TDRKH: variants seen among roughly 807,000 people sequenced by gnomAD.
TDRKH encodes the protein tudor and KH domain containing.
A neutral mutation model predicts 61.3 loss-of-function variants in TDRKH; 28 were observed. The observed-to-expected ratio is 0.46, with a 90% CI of 0.34 to 0.63. The LOEUF (loss-of-function observed/expected upper bound fraction) is 0.63, where lower values mean the gene tolerates loss of function less well. Ranked by LOEUF, TDRKH falls within the 20% of genes least tolerant of loss-of-function variation. TDRKH has a pLI of 0.01. For missense variants in TDRKH, 540 were observed against 683.4 expected (o/e 0.79, Z 2.34); for synonymous variants, 219 against 244.4 (o/e 0.90, Z 0.97).
downstream of TDRKH, chr1:151,767,953 C>G: frequency 7.0e-7 from 1 of 1,418,734 alleles, no homozygotes; most frequent in Non-Finnish European, 9.6e-7. Flanking sequence ...GGCTCCAATT[C>G]TCCCAGGCTC....
At chr1:151,775,582 G>T (rs1479358523) in intron 9 of TDRKH, 39 bp from the exon 10 acceptor site, 1 of 1,584,920 alleles carries the variant, frequency 6.3e-7, no homozygotes, top group Admixed American at 1.8e-5. Context: ...GATAGGGGTG[G>T]GGCTTATACC....
intron 6 of TDRKH, among the ~76,000 whole-genome samples, chr1:151,777,871 C>T (rs1189562776): frequency 6.6e-6 from 1 of 151,926 alleles, no homozygotes; most frequent in African/African-American, 2.4e-5. Flanking sequence ...GTTGCGCCAC[C>T]ATGCCCTAAG....
intron 2 of TDRKH, chr1:151,782,055 T>C (rs1649867018): frequency 2.3e-6 from 1 of 439,900 alleles, no homozygotes. Context: ...AAAAGATGAG[T>C]ATAGAAATTA....
At chr1:151,766,635 C>G, downstream of TDRKH, 4 of 1,502,116 alleles carry the variant, frequency 2.7e-6, no homozygotes, top group Non-Finnish European at 3.6e-6. Flanking sequence ...ATAGTGCCCA[C>G]TGGGTCACAA....
At chr1:151,786,184 A>T (rs1310385625) in intron 1 of TDRKH, among the ~76,000 whole-genome samples, 1 of 152,114 alleles carries the variant, frequency 6.6e-6, no homozygotes, top group African/African-American at 2.4e-5. Flanking sequence ...AACATCTAGC[A>T]CCGAAATCTC....
At chr1:151,774,954 AG>A in intron 11 of TDRKH, 110 bp downstream of exon 11, 1 of 1,355,052 alleles carries the variant, frequency 7.4e-7, no homozygotes. Flanking sequence ...CAACTACTGG[AG>A]GAGCTCAAAG....
chr1:151,774,659 T>A, intron 12 of TDRKH, 51 bp downstream of exon 12: 1 of 1,603,830 alleles, frequency 6.2e-7, no homozygotes, highest in Non-Finnish European at 8.5e-7. Flanking sequence ...AAAGACTGAA[T>A]GAGAAAAGTT....
downstream of TDRKH, chr1:151,771,822 TAAC>T (rs1166043539): frequency 1.6e-4 from 62 of 397,728 alleles, no homozygotes; most frequent in East Asian, 1.9e-3. Flanking sequence ...TTATACATAG[TAAC>T]AAACTGCAGG....
chr1:151,777,250 G>A (rs1057194427), intron 6 of TDRKH, among the ~76,000 whole-genome samples: 2 of 152,162 alleles, frequency 1.3e-5, no homozygotes, highest in African/African-American at 4.8e-5. Flanking sequence ...TTCGAGTCCA[G>A]CCTGTCCAAC....
intron 3 of TDRKH, among the ~76,000 whole-genome samples, chr1:151,780,702 T>C (rs534863996): frequency 1.3e-5 from 2 of 152,006 alleles, no homozygotes; most frequent in Admixed American, 1.3e-4. Context: ...TACAAAAAAT[T>C]AGCTGGGAGT....
In TDRKH at chr1:151,782,888, G is replaced by A. The variant is rs532875639; in HGVS notation, c.124+11C>T. 17 of 1,592,822 alleles carry A rather than the reference G, an allele frequency of 1.1e-5. No individual in the cohort carries two copies. The South Asian group carries it at 1.1e-4, about 11-fold the overall frequency. On this transcript the variant is annotated intron_variant, in intron 2 of 12. Transcript: ENST00000368824. ...AACATTTTCACACACACAGTCATAG[G>A]GTTCACGTACCTCTGCTTTCCCTAT...
chr1:151,790,503 C>A (rs1338551843), upstream of TDRKH: 2 of 152,490 alleles, frequency 1.3e-5, no homozygotes, highest in African/African-American at 4.8e-5. Context: ...CAGTGAGCCC[C>A]GCCGGCGGCG....
chr1:151,785,080 T>C (rs1650193799), intron 1 of TDRKH, among the ~76,000 whole-genome samples: 1 of 152,000 alleles, frequency 6.6e-6, no homozygotes, highest in African/African-American at 2.4e-5. Context: ...TACAGGTGCA[T>C]GCCACCATGC....
At chr1:151,770,018 A>G (rs4995159), downstream of TDRKH, 640,718 of 1,282,842 alleles carry the variant, frequency 0.5, 163,823 homozygotes, top group Non-Finnish European at 0.55. Flanking sequence ...CCGAGATGGC[A>G]GCAGTACAGT....
At chr1:151,787,121 C>A (rs919896394) in intron 1 of TDRKH, among the ~76,000 whole-genome samples, 1 of 152,148 alleles carries the variant, frequency 6.6e-6, no homozygotes, top group Non-Finnish European at 1.5e-5. Context: ...TTAAATAATT[C>A]TTGAATACAC....
downstream of TDRKH, among the ~76,000 whole-genome samples, chr1:151,773,069 GTC>G (rs71755748): frequency 1.3e-5 from 2 of 151,648 alleles, no homozygotes; most frequent in African/African-American, 4.8e-5. Flanking sequence ...TTGAGACAGA[GTC>G]TCTCTCTGTC....
At chr1:151,780,242 C>T (rs1362459964) in intron 3 of TDRKH, 102 bp from the exon 4 acceptor site, 3 of 1,221,776 alleles carry the variant, frequency 2.5e-6, no homozygotes, top group African/African-American at 1.5e-5. Context: ...TAGAATTAGC[C>T]AAAGGAATTA....
At chr1:151,770,481 A>C, downstream of TDRKH, 1 of 542,492 alleles carries the variant, frequency 1.8e-6, no homozygotes, top group Non-Finnish European at 3.1e-6. Flanking sequence ...GGCCAGACTG[A>C]AGGAGCACTG....
chr1:151,767,298 C>T (rs368525946), downstream of TDRKH: 36 of 1,613,452 alleles, frequency 2.2e-5, no homozygotes, highest in African/African-American at 2.0e-4. Flanking sequence ...GAACTGTATT[C>T]GGTAAGTGGA....
Sources: gnomAD v4.1 joint callset for allele counts (sites outside exome capture counted in the v4.1 genomes callset) on GRCh38, gnomAD v4.1.1 for gene constraint, MANE v1.5 for transcripts, NCBI Gene and HGNC (gene_info 2026-07-23, HGNC 2026-07-21) for gene names.